The following CEP250 variants were observed in gnomAD, a reference collection of about 807,000 sequenced individuals.
CEP250 encodes the protein centrosome-associated protein CEP250.
Under a neutral mutation model 315.7 loss-of-function variants are expected in CEP250, and 242 were observed. The observed-to-expected ratio is 0.77, with a 90% CI of 0.69 to 0.85. CEP250 has a LOEUF of 0.85. Among genes scored for constraint, CEP250 ranks in the 40% least tolerant of loss-of-function variants. The pLI is 0.00. For missense variants in CEP250, 2,515 were observed against 2,886.4 expected, an observed-to-expected ratio of 0.87 and a Z score of 2.95; for synonymous variants, 1,088 against 1,175.0, an observed-to-expected ratio of 0.93 and a Z score of 1.51.
Position 35,504,232 on chromosome 20 carries a change from CAGG to C in CEP250, c.5870_5872del (p.Glu1957del). On this transcript the variant is annotated inframe_deletion, in exon 30 of 35. Transcript: ENST00000397527. ...GGCAGAAAGTCAGTCCTCCCGGCATCAGGAGGAGGCTGCCCGGGCCCGGGCTGA... is the reference window on the plus strand; with the variant it reads ...GGCAGAAAGTCAGTCCTCCCGGCATCAGGAGGCTGCCCGGGCCCGGGCTGA... 1 of 1,607,152 alleles carries C rather than the reference CAGG, an allele frequency of 6.2e-7. No homozygotes were observed. Among genetic ancestry groups the C allele is most frequent in the Non-Finnish European group, 8.5e-7 (1 of 1,177,146 alleles).
Position 35,504,202 on chromosome 20 carries a change from C to G in CEP250, c.5833C>G (p.Leu1945Val), listed in dbSNP as rs1429477010. The change falls in exon 30 of 35, where the codon CTG (leucine) becomes GTG (valine). Residue 1945 changes from leucine (L) to valine (V), a missense_variant. Transcript: ENST00000397527. ...LKERDQELEA[L>V]RAESQSSRHQ... ...GGAACGGGACCAGGAGCTGGAAGCT[C>G]TGCGGGCAGAAAGTCAGTCCTCCCG... The G allele has an allele frequency of 3.7e-6, 6 of 1,612,622 alleles. No homozygotes were observed. The highest frequency in any genetic ancestry group is 5.1e-6 in the Non-Finnish European group (6 of 1,179,468).
chr20:35,488,439 CT>C (rs1321615723), intron 20 of CEP250, among the ~76,000 whole-genome samples: 3 of 151,910 alleles, frequency 2.0e-5, no homozygotes, highest in Admixed American at 6.6e-5. Flanking sequence ...AGGAAGACCT[CT>C]TTTTTTTCTT....
intron 20 of CEP250, among the ~76,000 whole-genome samples, chr20:35,484,280 G>C (rs2063442620): frequency 6.6e-6 from 1 of 151,992 alleles, no homozygotes; most frequent in South Asian, 2.1e-4. Context: ...TTTTTCCTCA[G>C]AGGATTTGTG....
chr20:35,479,642 A>G lies in CEP250; in HGVS notation c.2289-4A>G. On this transcript the variant is annotated splice_polypyrimidine_tract_variant and splice_region_variant and intron_variant, in intron 18 of 34. Transcript: ENST00000397527. ...GAAACTCTTCTGATTCCTGAACCTC[A>G]CAGCTCAGCCAAGGAGCTACTGGAG... is the stretch of plus-strand genomic sequence containing the variant. The G allele has an allele frequency of 1.2e-6, 2 of 1,614,106 alleles. No individual in the cohort carries two copies. Among genetic ancestry groups the G allele is most frequent in the Non-Finnish European group, 1.7e-6 (2 of 1,179,982 alleles).
intron 28 of CEP250, 90 bp downstream of exon 28, chr20:35,500,259 CTG>C (rs2063965884): frequency 1.4e-6 from 2 of 1,479,792 alleles, no homozygotes; most frequent in African/African-American, 2.8e-5. Context: ...AGCAGCCACT[CTG>C]TTTATTTTAT....
chr20:35,490,917 G>T (rs1262535486), intron 21 of CEP250, 113 bp downstream of exon 21: 10 of 1,279,754 alleles, frequency 7.8e-6, no homozygotes, highest in South Asian at 7.2e-5. Flanking sequence ...AGAAGAGAGG[G>T]TAGCTACCCA....
In CEP250 at chr20:35,497,898, G is replaced by A. The variant is rs1292897089; in HGVS notation, c.3486G>A (p.Gln1162=). ...TGCGACTGCGCAGCACAGAGAGCCA[G>A]CTAGAAGCGCTGGCCGCAGAGCAGC... is the stretch of plus-strand genomic sequence containing the variant. ...LQLRLRSTES[Q]LEALAAEQQP... The change falls in exon 26 of 35, where the codon CAG becomes CAA. Residue 1162 remains glutamine (Q), a synonymous_variant. Transcript: ENST00000397527. The A allele has an allele frequency of 1.9e-6, 3 of 1,607,276 alleles. No individual in the cohort carries two copies. The East Asian group carries it at 6.7e-5, about 36-fold the overall frequency.
At position 35,502,029 on chromosome 20, in the gene CEP250, G is replaced by C. The variant is rs769280484; in HGVS notation, c.4020+63G>C. ...GGAGTAGTCCCTTGGGCCCACCTTG[G>C]CCTGTGGTCCTGTGTCCCACTTCCT... On this transcript the variant is annotated intron_variant, in intron 29 of 34. Coordinates refer to ENST00000397527, the MANE Select transcript of CEP250 (RefSeq NM_007186.6). 4.5e-6 allele frequency: 7 copies of C among 1,563,076 alleles called. No individual in the cohort carries two copies. The Admixed American group carries it at 9.1e-5, about 20-fold the overall frequency.
rs767828423 is a variant in CEP250, at chr20:35,503,495, G to A, written c.5126G>A (p.Arg1709Gln). Residue 1709 changes from arginine (R) to glutamine (Q), a missense_variant, in exon 30 of 35, where the codon CGG (arginine) becomes CAG (glutamine). Arg to Gln is a conservative substitution (Grantham distance 43, BLOSUM62 1). Transcript: ENST00000397527. The surrounding 1 kb of genome is among the most constrained non-coding windows in gnomAD (Gnocchi z 4.2). Reference protein sequence around the residue: ...LTTQRQLMQERAEEGKGPSKA... With the variant: ...LTTQRQLMQEQAEEGKGPSKA... ...ACTCAGAGGCAGCTGATGCAGGAAC[G>A]GGCAGAGGAAGGGAAGGGCCCAAGT... 9.3e-6 allele frequency: 15 copies of A among 1,614,088 alleles called. No individual in the cohort carries two copies. The highest frequency in any genetic ancestry group is 8.3e-5 in the Admixed American group (5 of 60,004).
chr20:35,491,549 A>G (rs2063695253), intron 22 of CEP250, among the ~76,000 whole-genome samples: 1 of 152,084 alleles, frequency 6.6e-6, no homozygotes, highest in East Asian at 1.9e-4. Flanking sequence ...TGGGTGGATC[A>G]CCTAAGGTCA....
intron 22 of CEP250, among the ~76,000 whole-genome samples, chr20:35,492,203 GA>G (rs543044741): frequency 6.6e-6 from 1 of 152,098 alleles, no homozygotes; most frequent in Non-Finnish European, 1.5e-5. Flanking sequence ...GGTGAACCTT[GA>G]AAACATCAGG....
intron 1 of CEP250, among the ~76,000 whole-genome samples, chr20:35,456,274 A>G (rs2062622975): frequency 1.3e-5 from 2 of 152,350 alleles, no homozygotes; most frequent in South Asian, 4.1e-4. Context: ...GAAGAAACTG[A>G]GGTATTCATA....
At chr20:35,498,851 C>A in intron 27 of CEP250, 135 bp downstream of exon 27, 1 of 1,026,400 alleles carries the variant, frequency 9.7e-7, no homozygotes, top group Non-Finnish European at 1.4e-6. Context: ...CACTTACCAC[C>A]TGGCAACCAC....
intron 20 of CEP250, among the ~76,000 whole-genome samples, chr20:35,489,147 C>G (rs2063609833): frequency 6.6e-6 from 1 of 151,104 alleles, no homozygotes; most frequent in African/African-American, 2.4e-5. Context: ...GAGATCACCC[C>G]ACTGCACTCC....
At chr20:35,483,370 A>G (rs565543425) in intron 20 of CEP250, among the ~76,000 whole-genome samples, 10 of 150,678 alleles carry the variant, frequency 6.6e-5, no homozygotes, top group African/African-American at 2.4e-4. Context: ...TTTATTTTTT[A>G]GAGACAGGGT....
intron 11 of CEP250, among the ~76,000 whole-genome samples, chr20:35,472,409 A>G (rs2063047489): frequency 6.6e-6 from 1 of 152,196 alleles, no homozygotes. Flanking sequence ...CTGGTATTCA[A>G]TATCTCAATC....
chr20:35,467,077 G>C lies in CEP250; in HGVS notation c.599+5G>C. ...AATGAAGTCAGCTACTGACAGGTCA[G>C]TGTGGGGAGAAGAAGGGAGGAGGTT... On this transcript the variant is annotated splice_donor_5th_base_variant and intron_variant, in intron 8 of 34. Transcript: ENST00000397527. 6.2e-7 allele frequency: 1 copy of C among 1,606,064 alleles called. No individual in the cohort carries two copies. The highest frequency in any genetic ancestry group is 8.5e-7 in the Non-Finnish European group (1 of 1,173,650).
chr20:35,509,846 T>A, intron 33 of CEP250, 152 bp from the exon 34 acceptor site: 1 of 696,998 alleles, frequency 1.4e-6, no homozygotes, highest in Non-Finnish European at 2.6e-6. Flanking sequence ...CAGGGCCTGC[T>A]GCCCCATAGA....
chr20:35,491,215 C>G lies in CEP250; in HGVS notation c.2758C>G (p.Gln920Glu), dbSNP rs370665462. The G allele has an allele frequency of 4.2e-5, 68 of 1,611,456 alleles. No homozygotes were observed. The highest frequency in any genetic ancestry group is 5.5e-5 in the Non-Finnish European group (65 of 1,179,108). Reference protein sequence around the residue: ...TQAESALCQMQLETEKERVSL... With the variant: ...TQAESALCQMELETEKERVSL... Reference sequence around the variant, plus strand: ...TTACCCCCCTACCCCTCCACAGATGCAGCTGGAAACAGAGAAGGAGAGAGT... The same window carrying G: ...TTACCCCCCTACCCCTCCACAGATGGAGCTGGAAACAGAGAAGGAGAGAGT... Residue 920 changes from glutamine (Q) to glutamate (E), a missense_variant, in exon 22 of 35, where the codon CAG becomes GAG. Coordinates refer to ENST00000397527, the MANE Select transcript of CEP250 (RefSeq NM_007186.6).
Sources: allele counts gnomAD v4.1 joint callset (sites outside exome capture counted in the v4.1 genomes callset), GRCh38; gene constraint gnomAD v4.1.1; non-coding constraint Gnocchi (gnomAD v3.1); transcripts MANE v1.5; gene names NCBI Gene and HGNC (gene_info 2026-07-23, HGNC 2026-07-21).